The following LYRM7 variants were observed in gnomAD, a reference collection of about 807,000 sequenced individuals.
The protein encoded by LYRM7 is LYR motif containing 7.
A neutral mutation model predicts 15.8 loss-of-function variants in LYRM7; 9 were observed. The observed-to-expected ratio is 0.57, with a 90% CI of 0.34 to 0.99. LYRM7 has a LOEUF of 0.99. LYRM7 is among the 50% of genes least tolerant of loss of function. The probability of loss-of-function intolerance (pLI) is 0.02; values close to 1 mark genes in which losing one functional copy is unlikely to be tolerated. For synonymous variants in LYRM7, 39 were observed against 39.4 expected (o/e 0.99, Z 0.04); for missense variants, 115 against 119.1 (o/e 0.97, Z 0.16).
rs1276670492 is a variant in LYRM7 at position 131,202,390 on chromosome 5, A to G, written c.*2789A>G. The G allele has an allele frequency of 6.6e-6, 1 of 152,226 alleles. No individual in the cohort carries two copies. The highest frequency in any genetic ancestry group is 2.4e-5 in the African/African-American group (1 of 41,458). The allele number at this position is 152,226 out of a possible 1,614,324, so 9.4% of individuals were successfully genotyped here. A position where few individuals can be genotyped will look rare whatever the true frequency, so the allele number is the denominator to read the frequency against. On this transcript the variant is annotated 3_prime_UTR_variant, in exon 5 of 5. Transcript: ENST00000379380. ...ACACCTGTAATCCCAGCTAGTCAGG[A>G]GGCTGAGGCAGGAGAATTACTTGAG...
rs1185854275 is a variant in LYRM7, at chr5:131,200,642, T to C, written c.*1041T>C. The C allele has an allele frequency of 6.6e-6, 1 of 152,334 alleles. No individual in the cohort carries two copies. Among genetic ancestry groups the C allele is most frequent in the Non-Finnish European group, 1.5e-5 (1 of 68,036 alleles). 9.4% of individuals were successfully genotyped at this position (152,334 alleles called of 1,614,324 possible). ...TTTTGCAAGATTCTCAATGCAAGCA[T>C]TGTTATGTATCTAGAAATTATACCT... On this transcript the variant is annotated 3_prime_UTR_variant, in exon 5 of 5. Coordinates refer to ENST00000379380, the MANE Select transcript of LYRM7 (RefSeq NM_181705.4).
rs1756158471 is a variant in LYRM7 at position 131,205,191 on chromosome 5, A to C, written c.*5590A>C. ...CTCTCTCCAGGATAATTACTGTTTTATAGTTTGTGGATATCATTCCCTTAC... is the reference window on the plus strand; with the variant it reads ...CTCTCTCCAGGATAATTACTGTTTTCTAGTTTGTGGATATCATTCCCTTAC... On this transcript the variant is annotated 3_prime_UTR_variant, in exon 5 of 5. Coordinates refer to ENST00000379380, the MANE Select transcript of LYRM7 (RefSeq NM_181705.4). The C allele has an allele frequency of 6.6e-6, 1 of 152,164 alleles. No individual in the cohort carries two copies. Among genetic ancestry groups the C allele is most frequent in the Non-Finnish European group, 1.5e-5 (1 of 68,008 alleles). 9.4% of individuals were successfully genotyped at this position (152,164 alleles called of 1,614,324 possible).
rs553156941 is a variant in LYRM7 at position 131,190,523 on chromosome 5, T to C, written c.244+3414T>C. On this transcript the variant is annotated intron_variant, in intron 4 of 4. Transcript: ENST00000379380. ...TTTTTTCTTTGAAACGGATTTTCGC[T>C]CTCGTCACCTAGGCTGGTGTACAGT... Among the ~76,000 whole-genome samples the C allele has an allele frequency of 9.6e-5, 14 of 145,944 alleles. No homozygotes were observed. The South Asian group carries it at 3.1e-3, about 32-fold the overall frequency.
chr5:131,172,154 C>G (rs1055409748), intron 1 of LYRM7, among the ~76,000 whole-genome samples: 2 of 152,216 alleles, frequency 1.3e-5, no homozygotes, highest in African/African-American at 4.8e-5. Context: ...AGGCTCACAC[C>G]TGTAATCCCA....
chr5:131,199,574 T>G lies in LYRM7; in HGVS notation c.288T>G (p.Tyr96Ter), dbSNP rs551999874. 6.2e-7 allele frequency: 1 copy of G among 1,606,996 alleles called. No individual in the cohort carries two copies. Among genetic ancestry groups the G allele is most frequent in the African/African-American group, 1.3e-5 (1 of 74,758 alleles). The change falls in exon 5 of 5, where the codon TAT becomes TAG. Residue 96 changes from tyrosine (Y) to a stop codon, truncating the protein, a stop_gained. Transcript: ENST00000379380. LOFTEE classifies it high-confidence loss of function. ...ACCTTCTTGTAGAAAATGTGCCATATTGTGATGCACCAACTCAGAAGCAAT... is the reference window on the plus strand; with the variant it reads ...ACCTTCTTGTAGAAAATGTGCCATAGTGTGATGCACCAACTCAGAAGCAAT... ...RKDLLVENVP[Y>*]CDAPTQKQ
chr5:131,196,507 C>G (rs1334241031), intron 4 of LYRM7, among the ~76,000 whole-genome samples: 1 of 152,146 alleles, frequency 6.6e-6, no homozygotes, highest in African/African-American at 2.4e-5. Context: ...CTCCTTTTGC[C>G]CTTTTCTCTC....
rs180911574 is a variant in LYRM7 at position 131,204,302 on chromosome 5, A to G, written c.*4701A>G. ...TTCAGTCTATTTCTCAAAAACTCAAAGAATACTAATAAATGTGTACTCAGG... is the reference window on the plus strand; with the variant it reads ...TTCAGTCTATTTCTCAAAAACTCAAGGAATACTAATAAATGTGTACTCAGG... On this transcript the variant is annotated 3_prime_UTR_variant, in exon 5 of 5. Transcript: ENST00000379380. 6.7e-6 allele frequency: 1 copy of G among 149,020 alleles called. No individual in the cohort carries two copies. Among genetic ancestry groups the G allele is most frequent in the Admixed American group, 6.6e-5 (1 of 15,126 alleles). 9.2% of individuals were successfully genotyped at this position (149,020 alleles called of 1,614,324 possible).
intron 4 of LYRM7, among the ~76,000 whole-genome samples, chr5:131,198,243 G>T (rs1349749161): frequency 6.6e-6 from 1 of 152,024 alleles, no homozygotes; most frequent in Non-Finnish European, 1.5e-5. Flanking sequence ...CAAAACCAGG[G>T]TATTAATATT....
chr5:131,192,203 C>G (rs999094760), intron 4 of LYRM7, among the ~76,000 whole-genome samples: 1 of 152,056 alleles, frequency 6.6e-6, no homozygotes, highest in Non-Finnish European at 1.5e-5. Context: ...ATTGCATGTT[C>G]TCACTCATGT....
intron 3 of LYRM7, 106 bp from the exon 4 acceptor site, chr5:131,186,922 C>A: frequency 1.5e-6 from 1 of 659,320 alleles, no homozygotes; most frequent in Middle Eastern, 3.9e-4. Flanking sequence ...GGAGAAACTA[C>A]TGTATTACTT....
intron 3 of LYRM7, among the ~76,000 whole-genome samples, chr5:131,186,403 A>G (rs1307913059): frequency 6.6e-6 from 1 of 152,214 alleles, no homozygotes; most frequent in Non-Finnish European, 1.5e-5. Flanking sequence ...AACTATATGC[A>G]TATCTGAGCT....
At position 131,200,720 on chromosome 5, in the gene LYRM7, C is replaced by T. The variant is rs1459179934; in HGVS notation, c.*1119C>T. On this transcript the variant is annotated 3_prime_UTR_variant, in exon 5 of 5. Transcript: ENST00000379380. ...TGAAATTTGCCCTTTTAAGAGAATG[C>T]TGAATGTCATCGCAGTATATAATCA... 3.9e-5 allele frequency: 6 copies of T among 152,194 alleles called. No individual in the cohort carries two copies. Among genetic ancestry groups the T allele is most frequent in the Admixed American group, 3.3e-4 (5 of 15,264 alleles). 9.4% of individuals were successfully genotyped at this position (152,194 alleles called of 1,614,324 possible). A position where few individuals can be genotyped will look rare whatever the true frequency, so the allele number is the denominator to read the frequency against.
At chr5:131,185,214 ACT>A (rs1755778731) in intron 3 of LYRM7, among the ~76,000 whole-genome samples, 1 of 151,978 alleles carries the variant, frequency 6.6e-6, no homozygotes, top group Admixed American at 6.6e-5. Flanking sequence ...CAACCCCATG[ACT>A]CTTCATCTCA....
chr5:131,178,503 T>G (rs560333059), intron 1 of LYRM7, among the ~76,000 whole-genome samples: 2 of 152,162 alleles, frequency 1.3e-5, no homozygotes, highest in Non-Finnish European at 2.9e-5. Context: ...CAATATTGAG[T>G]ACCTTTTTGG....
In LYRM7 at chr5:131,201,010, G is replaced by C. The variant is rs1003575243; in HGVS notation, c.*1409G>C. ...CATGTTTATTAAAGATAGTGGCTTAGAAATTTTAAGATATATTGATATAGG... is the reference window on the plus strand; with the variant it reads ...CATGTTTATTAAAGATAGTGGCTTACAAATTTTAAGATATATTGATATAGG... On this transcript the variant is annotated 3_prime_UTR_variant, in exon 5 of 5. Transcript: ENST00000379380. 7 of 151,970 alleles carry C rather than the reference G, an allele frequency of 4.6e-5. No individual in the cohort carries two copies. Among genetic ancestry groups the C allele is most frequent in the African/African-American group, 1.7e-4 (7 of 41,378 alleles). The allele number at this position is 151,970 out of a possible 1,614,324, so 9.4% of individuals were successfully genotyped here. A position where few individuals can be genotyped will look rare whatever the true frequency, so the allele number is the denominator to read the frequency against.
At chr5:131,191,507 C>G (rs1755885680) in intron 4 of LYRM7, among the ~76,000 whole-genome samples, 1 of 152,038 alleles carries the variant, frequency 6.6e-6, no homozygotes, top group African/African-American at 2.4e-5. Flanking sequence ...CAAATAATAT[C>G]TACAGTGGAA....
chr5:131,202,763 A>G lies in LYRM7; in HGVS notation c.*3162A>G, dbSNP rs560192355. 3.9e-5 allele frequency: 6 copies of G among 152,460 alleles called. No individual in the cohort carries two copies. Among genetic ancestry groups the G allele is most frequent in the East Asian group, 3.8e-4 (2 of 5,332 alleles). 9.4% of individuals were successfully genotyped at this position (152,460 alleles called of 1,614,324 possible). ...GCCCAAATATAATTTTGCTTTGACT[A>G]TTGAGATCTAGTGAAAGTGGGGTAT... On this transcript the variant is annotated 3_prime_UTR_variant, in exon 5 of 5. Transcript: ENST00000379380.
At chr5:131,182,424 A>G in intron 3 of LYRM7, 125 bp downstream of exon 3, 3 of 921,260 alleles carry the variant, frequency 3.3e-6, no homozygotes, top group Non-Finnish European at 4.4e-6. Context: ...TCACAACTGT[A>G]GATAACCTTC....
intron 2 of LYRM7, 31 bp from the exon 3 acceptor site, chr5:131,182,198 C>A: frequency 1.5e-6 from 2 of 1,368,900 alleles, no homozygotes; most frequent in African/African-American, 3.0e-5. Context: ...ATTACAAAAG[C>A]GAATAACTAT....
Sources: allele counts gnomAD v4.1 joint callset (sites outside exome capture counted in the v4.1 genomes callset), GRCh38; gene constraint gnomAD v4.1.1; transcripts MANE v1.5; gene names NCBI Gene and HGNC (gene_info 2026-07-23, HGNC 2026-07-21).